The following PTPRG variants were observed in gnomAD, a reference collection of about 807,000 sequenced individuals.
The protein encoded by PTPRG is receptor-type tyrosine-protein phosphatase gamma.
In PTPRG, 102 loss-of-function variants were observed where a neutral mutation model predicts 165.3. The observed-to-expected ratio is 0.62, with a 90% confidence interval of 0.53 to 0.73. PTPRG has a LOEUF of 0.73. Ranked by LOEUF, PTPRG falls within the 30% of genes least tolerant of loss-of-function variation. The pLI is 0.00. For synonymous variants in PTPRG, 675 were observed against 669.5 expected (o/e 1.01, Z -0.13); for missense variants, 1,866 against 1,861.4 (o/e 1.00, Z -0.05).
At chr3:62,170,424 G>A (rs961398064) in intron 8 of PTPRG, among the ~76,000 whole-genome samples, 9 of 152,150 alleles carry the variant, frequency 5.9e-5, no homozygotes, top group African/African-American at 2.2e-4. Context: ...GAATTGCTGA[G>A]ATGGTGACAG....
chr3:61,637,133 A>G (rs1224202917), intron 1 of PTPRG, among the ~76,000 whole-genome samples: 4 of 152,144 alleles, frequency 2.6e-5, no homozygotes, highest in Admixed American at 2.0e-4. Flanking sequence ...ACACATTTTT[A>G]TATTCATATG....
intron 6 of PTPRG, 52 bp downstream of exon 6, chr3:62,132,720 T>G: frequency 6.9e-7 from 1 of 1,456,964 alleles, no homozygotes; most frequent in Non-Finnish European, 9.6e-7. Flanking sequence ...GGCTCAGATC[T>G]CTACCTAAAA....
chr3:61,654,224 C>A (rs1057269241), intron 1 of PTPRG, among the ~76,000 whole-genome samples: 9 of 152,112 alleles, frequency 5.9e-5, no homozygotes, highest in Non-Finnish European at 1.3e-4. Flanking sequence ...TTAACCAACA[C>A]CTGCCCGCCA....
chr3:61,931,169 T>A (rs2039352140), intron 2 of PTPRG, among the ~76,000 whole-genome samples: 3 of 152,376 alleles, frequency 2.0e-5, no homozygotes, highest in Admixed American at 2.0e-4. Context: ...ATTTTGCTTC[T>A]GCAGCACTCA....
chr3:61,953,453 G>A (rs931611244), intron 2 of PTPRG, among the ~76,000 whole-genome samples: 5 of 152,220 alleles, frequency 3.3e-5, no homozygotes, highest in Non-Finnish European at 7.3e-5. Flanking sequence ...CCTAGTATCA[G>A]TGCCTCTAGG....
In PTPRG at chr3:61,758,729, C is replaced by T. The variant is rs573103178; in HGVS notation, c.190+9747C>T. Among the ~76,000 whole-genome samples, 18 of 152,062 alleles carry T rather than the reference C, an allele frequency of 1.2e-4. No individual in the cohort carries two copies. In the South Asian group the frequency reaches 3.6e-3, roughly 30 times the overall value. ...CAGCCTCCCAAAGTGCCACCACGCT[C>T]GGCTTCATGTTGAAATTATCAATTT... On this transcript the variant is annotated intron_variant, in intron 2 of 29. Transcript: ENST00000474889.
At chr3:62,144,876 A>C (rs1704062399) in intron 6 of PTPRG, among the ~76,000 whole-genome samples, 1 of 152,156 alleles carries the variant, frequency 6.6e-6, no homozygotes, top group African/African-American at 2.4e-5. Flanking sequence ...GATTCCTTTT[A>C]GATTAGGTTT....
At chr3:61,791,862 T>A (rs1465662115) in intron 2 of PTPRG, among the ~76,000 whole-genome samples, 1 of 152,252 alleles carries the variant, frequency 6.6e-6, no homozygotes, top group Non-Finnish European at 1.5e-5. Flanking sequence ...TCGGATGTTG[T>A]TTAAGGTCCT....
chr3:62,020,418 A>AT (rs1243045772), intron 4 of PTPRG, among the ~76,000 whole-genome samples: 1 of 152,182 alleles, frequency 6.6e-6, no homozygotes, highest in Non-Finnish European at 1.5e-5. Context: ...TATAAAAATA[A>AT]TTTTTTCTCA....
Position 61,761,072 on chromosome 3 carries a change from T to C in PTPRG, c.190+12090T>C, listed in dbSNP as rs560087052. ...GCTGCGATGAACATAGGCATGCATG[T>C]ATCTTTGTAACAGAATGATTTATAT... is the stretch of plus-strand genomic sequence containing the variant. On this transcript the variant is annotated intron_variant, in intron 2 of 29. Transcript: ENST00000474889. Among the ~76,000 whole-genome samples, 408 of 152,352 alleles carry C rather than the reference T, an allele frequency of 2.7e-3. 3 individuals are homozygous for C. The highest frequency in any genetic ancestry group is 2.4e-3 in the Non-Finnish European group (165 of 68,032).
intron 2 of PTPRG, among the ~76,000 whole-genome samples, chr3:61,829,847 G>A (rs1351529740): frequency 6.6e-6 from 1 of 152,172 alleles, no homozygotes; most frequent in Non-Finnish European, 1.5e-5. Flanking sequence ...TGGAATGAAA[G>A]GAGACAGAGC....
intron 5 of PTPRG, among the ~76,000 whole-genome samples, chr3:62,090,403 C>T (rs1296065602): frequency 6.6e-6 from 1 of 152,062 alleles, no homozygotes; most frequent in Non-Finnish European, 1.5e-5. Flanking sequence ...AAGCAGCTAG[C>T]TAACACAAAG....
At chr3:62,225,550 T>G (rs1193356454) in intron 13 of PTPRG, among the ~76,000 whole-genome samples, 1 of 152,088 alleles carries the variant, frequency 6.6e-6, no homozygotes, top group Non-Finnish European at 1.5e-5. Context: ...TGAGGGATGT[T>G]GCATAGAAGG....
chr3:62,056,523 G>T (rs1700640844), intron 4 of PTPRG, among the ~76,000 whole-genome samples: 1 of 152,044 alleles, frequency 6.6e-6, no homozygotes, highest in Non-Finnish European at 1.5e-5. Flanking sequence ...GACACCCCTG[G>T]TCTAAATACA....
At chr3:61,885,429 T>C (rs915419479) in intron 2 of PTPRG, among the ~76,000 whole-genome samples, 1 of 151,744 alleles carries the variant, frequency 6.6e-6, no homozygotes, top group Non-Finnish European at 1.5e-5. Context: ...TCTTTTCCTA[T>C]TTGTACATAT....
chr3:61,712,301 G>T (rs548139787), intron 1 of PTPRG, among the ~76,000 whole-genome samples: 1 of 152,038 alleles, frequency 6.6e-6, no homozygotes, highest in Non-Finnish European at 1.5e-5. Context: ...ACATTTAACA[G>T]ATGCTAATAT....
chr3:61,657,970 A>G (rs1238170782), intron 1 of PTPRG, among the ~76,000 whole-genome samples: 1 of 151,972 alleles, frequency 6.6e-6, no homozygotes, highest in Non-Finnish European at 1.5e-5. Context: ...ATGAGTGTGC[A>G]TGTGGACAGT....
At chr3:62,225,363 T>TGGGAGA (rs1299814774) in intron 13 of PTPRG, among the ~76,000 whole-genome samples, 2 of 152,132 alleles carry the variant, frequency 1.3e-5, no homozygotes, top group African/African-American at 4.8e-5. Context: ...AGGTTAATGC[T>TGGGAGA]GGGAGAGGAG....
intron 2 of PTPRG, among the ~76,000 whole-genome samples, chr3:61,816,349 G>A (rs1575687567): frequency 6.6e-6 from 1 of 152,106 alleles, no homozygotes; most frequent in Non-Finnish European, 1.5e-5. Context: ...GGCCAACATG[G>A]CGAAACTCCA....
Sources: allele counts gnomAD v4.1 joint callset (sites outside exome capture counted in the v4.1 genomes callset), GRCh38; gene constraint gnomAD v4.1.1; transcripts MANE v1.5; gene names NCBI Gene and HGNC (gene_info 2026-07-23, HGNC 2026-07-21).